NKAIN3: variants seen among roughly 807,000 people sequenced by gnomAD.
The protein encoded by NKAIN3 is sodium/potassium transporting ATPase interacting 3.
NKAIN3 carries 25 observed loss-of-function variants against 30.2 expected under a neutral mutation model. The ratio of observed to expected loss-of-function variants is 0.83; its 90% CI spans 0.60 to 1.16. The LOEUF (loss-of-function observed/expected upper bound fraction) is 1.16, where lower values mean the gene tolerates loss of function less well. Ranked by LOEUF, NKAIN3 falls within the 50% of genes most tolerant of loss-of-function variation. The probability of loss-of-function intolerance (pLI) is 0.00; values close to 1 mark genes in which losing one functional copy is unlikely to be tolerated. For synonymous variants in NKAIN3, 91 were observed against 89.6 expected (o/e 1.02, Z -0.09); for missense variants, 225 against 254.1 (o/e 0.89, Z 0.78).
At chr8:62,800,122 C>T (rs927719884) in intron 4 of NKAIN3, among the ~76,000 whole-genome samples, 2 of 152,038 alleles carry the variant, frequency 1.3e-5, no homozygotes, top group Non-Finnish European at 2.9e-5. Context: ...GTGATGGATG[C>T]ACCAAAATCT....
chr8:62,332,796 A>G (rs563842564), intron 1 of NKAIN3, among the ~76,000 whole-genome samples: 1 of 152,240 alleles, frequency 6.6e-6, no homozygotes, highest in Admixed American at 6.5e-5. Flanking sequence ...AGAAGCCAAG[A>G]TAGGCAGATC....
intron 1 of NKAIN3, among the ~76,000 whole-genome samples, chr8:62,389,680 G>A (rs1187088544): frequency 1.3e-5 from 2 of 152,148 alleles, no homozygotes; most frequent in Non-Finnish European, 2.9e-5. Context: ...ATACAGGTGG[G>A]TATGAAGGAT....
chr8:62,298,499 A>G (rs1351306700), intron 1 of NKAIN3, among the ~76,000 whole-genome samples: 5 of 151,476 alleles, frequency 3.3e-5, no homozygotes, highest in Non-Finnish European at 7.4e-5. Flanking sequence ...CACAGCAGAG[A>G]CTCTTCTGAT....
Position 62,310,263 on chromosome 8 carries a change from G to A in NKAIN3, c.54+61136G>A, listed in dbSNP as rs577865348. On this transcript the variant is annotated intron_variant, in intron 1 of 6. Transcript: ENST00000623646. ...AAAGAAGATGATAAATGGCATTGAA[G>A]TTATTACTATAGAAATGAAAGCCAA... Among the ~76,000 whole-genome samples the A allele has an allele frequency of 1.5e-4, 22 of 150,496 alleles. 1 individual carries two copies. Among genetic ancestry groups the A allele is most frequent in the African/African-American group, 5.5e-4 (22 of 39,894 alleles).
At chr8:62,611,182 T>C (rs1018337543) in intron 3 of NKAIN3, among the ~76,000 whole-genome samples, 2 of 152,248 alleles carry the variant, frequency 1.3e-5, no homozygotes, top group Middle Eastern at 3.4e-3. Context: ...TAAAAAAATG[T>C]TATGGGTATA....
intron 1 of NKAIN3, among the ~76,000 whole-genome samples, chr8:62,489,068 T>G (rs1806989353): frequency 6.6e-6 from 1 of 152,164 alleles, no homozygotes; most frequent in African/African-American, 2.4e-5. Context: ...CACATTAGTC[T>G]AAGTATATAT....
At chr8:62,714,478 A>C (rs1375075032) in intron 3 of NKAIN3, among the ~76,000 whole-genome samples, 1 of 152,148 alleles carries the variant, frequency 6.6e-6, no homozygotes, top group Non-Finnish European at 1.5e-5. Flanking sequence ...ACTTTCTAAA[A>C]GCCAGAAAAT....
intron 1 of NKAIN3, among the ~76,000 whole-genome samples, chr8:62,480,089 C>T: frequency 1.3e-5 from 2 of 152,148 alleles, no homozygotes; most frequent in East Asian, 3.9e-4. Flanking sequence ...CTATGCTTTA[C>T]ATTAGGAATT....
chr8:62,890,577 G>C (rs945373753), intron 4 of NKAIN3, among the ~76,000 whole-genome samples: 2 of 152,152 alleles, frequency 1.3e-5, no homozygotes, highest in Non-Finnish European at 1.5e-5. Context: ...AGTGTAGAAA[G>C]AGCATCCAGG....
At chr8:62,929,645 TATTA>T (rs1397525220) in intron 5 of NKAIN3, among the ~76,000 whole-genome samples, 1 of 152,190 alleles carries the variant, frequency 6.6e-6, no homozygotes, top group Non-Finnish European at 1.5e-5. Context: ...CAGAAAATTC[TATTA>T]ATATCTACTC....
chr8:62,504,569 C>T (rs1807572910), intron 1 of NKAIN3, among the ~76,000 whole-genome samples: 2 of 152,206 alleles, frequency 1.3e-5, no homozygotes, highest in Middle Eastern at 3.4e-3. Flanking sequence ...ATATTTTGCT[C>T]CTTATTTGTT....
chr8:62,343,715 G>A (rs1050515114), intron 1 of NKAIN3, among the ~76,000 whole-genome samples: 1 of 151,934 alleles, frequency 6.6e-6, no homozygotes, highest in African/African-American at 2.4e-5. Context: ...GGAGCCTAAG[G>A]TGGGAGAATT....
intron 4 of NKAIN3, among the ~76,000 whole-genome samples, chr8:62,910,890 A>G (rs2130849295): frequency 6.6e-6 from 1 of 152,294 alleles, no homozygotes; most frequent in South Asian, 2.1e-4. Context: ...GTTCTCATCA[A>G]TCCTCAGGCC....
intron 4 of NKAIN3, among the ~76,000 whole-genome samples, chr8:62,858,117 G>A (rs887004838): frequency 6.6e-6 from 1 of 152,106 alleles, no homozygotes; most frequent in East Asian, 1.9e-4. Flanking sequence ...TAGGGCTGCT[G>A]TGGTTTGCTG....
At chr8:62,992,746 G>A (rs1341229515) in intron 5 of NKAIN3, among the ~76,000 whole-genome samples, 1 of 150,512 alleles carries the variant, frequency 6.6e-6, no homozygotes, top group African/African-American at 2.5e-5. Flanking sequence ...GTATATTCTA[G>A]CATGCAAATT....
At chr8:62,448,767 G>A (rs1439303518) in intron 1 of NKAIN3, among the ~76,000 whole-genome samples, 1 of 151,900 alleles carries the variant, frequency 6.6e-6, no homozygotes, top group African/African-American at 2.4e-5. Context: ...GAGTCATTGA[G>A]CTTAAGTCTA....
At chr8:62,858,884 C>A (rs1255062265) in intron 4 of NKAIN3, among the ~76,000 whole-genome samples, 1 of 152,220 alleles carries the variant, frequency 6.6e-6, no homozygotes, top group Non-Finnish European at 1.5e-5. Context: ...TGCTGCTTGG[C>A]TCCTTGGGTT....
intron 3 of NKAIN3, among the ~76,000 whole-genome samples, chr8:62,669,624 A>G (rs1333177914): frequency 6.6e-6 from 1 of 152,186 alleles, no homozygotes; most frequent in Non-Finnish European, 1.5e-5. Context: ...ACTCATTGCC[A>G]AGTTATGTCA....
chr8:62,288,188 CG>C (rs1181770191), intron 1 of NKAIN3, among the ~76,000 whole-genome samples: 2 of 151,994 alleles, frequency 1.3e-5, no homozygotes, highest in African/African-American at 4.8e-5. Flanking sequence ...CTGTGGGCTT[CG>C]TGAGAACAGT....
Sources: allele counts gnomAD v4.1 joint callset (sites outside exome capture counted in the v4.1 genomes callset), GRCh38; gene constraint gnomAD v4.1.1; transcripts MANE v1.5; gene names NCBI Gene and HGNC (gene_info 2026-07-23, HGNC 2026-07-21).